MPRIP: variants seen among roughly 807,000 people sequenced by gnomAD.
The protein encoded by MPRIP is myosin phosphatase Rho interacting protein.
Under a neutral mutation model 234.9 loss-of-function variants are expected in MPRIP, and 59 were observed. That is an observed-to-expected ratio of 0.25 (90% CI 0.20 to 0.31). The LOEUF (loss-of-function observed/expected upper bound fraction) is 0.31. Among genes scored for constraint, MPRIP ranks in the 10% least tolerant of loss-of-function variants. The probability of loss-of-function intolerance (pLI) is 1.00; values close to 1 mark genes in which losing one functional copy is unlikely to be tolerated. For missense variants in MPRIP, 2,436 were observed against 3,071.0 expected, an observed-to-expected ratio of 0.79 and a Z score of 4.89; for synonymous variants, 1,144 against 1,263.9, an observed-to-expected ratio of 0.91 and a Z score of 2.01.
chr17:17,156,117 C>T (rs985146202), intron 13 of MPRIP, among the ~76,000 whole-genome samples: 1 of 152,208 alleles, frequency 6.6e-6, no homozygotes, highest in African/African-American at 2.4e-5. Context: ...GGCCTGGGCT[C>T]GGTGCTGTAG....
chr17:17,147,186 G>A lies in MPRIP; in HGVS notation c.1561-133G>A, dbSNP rs142847729. ...GAGTCCTCTGTATGCTGTCAAGGGA[G>A]GGGCCAGCCTGTCCCCTGCTTTCCC... is the stretch of plus-strand genomic sequence containing the variant. On this transcript the variant is annotated intron_variant, in intron 10 of 23. Transcript: ENST00000651222. 5.0e-4 allele frequency: 405 copies of A among 805,806 alleles called. No individual in the cohort carries two copies. In the African/African-American group the frequency reaches 5.9e-3, roughly 12 times the overall value. 49.9% of individuals were successfully genotyped at this position (805,806 alleles called of 1,614,324 possible).
intron 1 of MPRIP, among the ~76,000 whole-genome samples, chr17:17,057,317 A>G (rs1760720782): frequency 6.6e-6 from 1 of 152,252 alleles, no homozygotes; most frequent in Non-Finnish European, 1.5e-5. Flanking sequence ...GGGGCGGTGC[A>G]GGGGTGGCTC....
rs1424990643 is a variant in MPRIP at position 17,186,496 on chromosome 17, C to CT, written c.*1605dup. The CT allele has an allele frequency of 6.6e-6, 1 of 152,220 alleles. No homozygotes were observed. The highest frequency in any genetic ancestry group is 6.5e-5 in the Admixed American group (1 of 15,282). The allele number at this position is 152,220 out of a possible 1,614,324, so 9.4% of individuals were successfully genotyped here. ...AAGTTTTTAAGGCTCTTAACCCACACTTTCACTCCTCTGCTACTAGTCTTC... is the reference window on the plus strand; with the variant it reads ...AAGTTTTTAAGGCTCTTAACCCACACTTTTCACTCCTCTGCTACTAGTCTTC... On this transcript the variant is annotated 3_prime_UTR_variant, in exon 24 of 24. Transcript: ENST00000651222.
Position 17,164,769 on chromosome 17 carries a change from C to A in MPRIP, c.3178C>A (p.Gln1060Lys), listed in dbSNP as rs1455043247. The part of the protein sequence containing the change: ...YEDQLQGQAQ[Q>K]VETLQKEKLS... Reference sequence around the variant, plus strand: ...GGACCAGCTGCAGGGTCAGGCACAGCAGGTGGAGACCCTGCAGAAGGAGAA... The same window carrying A: ...GGACCAGCTGCAGGGTCAGGCACAGAAGGTGGAGACCCTGCAGAAGGAGAA... Residue 1060 changes from glutamine (Q) to lysine (K), a missense_variant, in exon 16 of 24, where the codon CAG (glutamine) becomes AAG (lysine). Around this residue, in one of 4 missense-constraint regions of MPRIP, gnomAD observed 1,998 missense variants for 2,520.3 expected, o/e 0.79. Coordinates refer to ENST00000651222, the MANE Select transcript of MPRIP (RefSeq NM_001364716.4). 1.5e-5 allele frequency: 19 copies of A among 1,304,076 alleles called. 1 individual carries two copies. 80.8% of individuals were successfully genotyped at this position (1,304,076 alleles called of 1,614,324 possible). A position where few individuals can be genotyped will look rare whatever the true frequency, so the allele number is the denominator to read the frequency against.
chr17:17,143,731 G>T (rs943861436), intron 9 of MPRIP, 62 bp downstream of exon 9: 35 of 1,169,820 alleles, frequency 3.0e-5, no homozygotes, highest in Non-Finnish European at 3.9e-5. Context: ...ACTCTGAGGC[G>T]CTGTCTGTTT....
chr17:17,067,233 A>G (rs2089059343), intron 1 of MPRIP, among the ~76,000 whole-genome samples: 1 of 151,978 alleles, frequency 6.6e-6, no homozygotes, highest in South Asian at 2.1e-4. Context: ...TTTTTTTCTT[A>G]AATTGAAAAC....
chr17:17,134,160 A>G (rs1360300811), intron 5 of MPRIP, among the ~76,000 whole-genome samples: 1 of 152,180 alleles, frequency 6.6e-6, no homozygotes, highest in African/African-American at 2.4e-5. Flanking sequence ...CCCCACTCCA[A>G]GTTAGAATTC....
chr17:17,053,298 C>T (rs567351003), intron 1 of MPRIP, among the ~76,000 whole-genome samples: 1 of 152,194 alleles, frequency 6.6e-6, no homozygotes, highest in South Asian at 2.1e-4. Flanking sequence ...AGAGCTGAAG[C>T]ATCTATGCCC....
At chr17:17,159,123 C>A in intron 14 of MPRIP, 121 bp downstream of exon 14, 1 of 1,030,240 alleles carries the variant, frequency 9.7e-7, no homozygotes, top group Non-Finnish European at 1.4e-6. Context: ...ACTTGCAGAC[C>A]CCTAGGGGAG....
At chr17:17,100,892 A>G (rs2089948235) in intron 3 of MPRIP, among the ~76,000 whole-genome samples, 2 of 152,196 alleles carry the variant, frequency 1.3e-5, no homozygotes. Flanking sequence ...GGTCCTTGGT[A>G]CCAAAAAGTT....
At chr17:17,103,574 T>C (rs1308210879) in intron 3 of MPRIP, among the ~76,000 whole-genome samples, 1 of 152,184 alleles carries the variant, frequency 6.6e-6, no homozygotes, top group East Asian at 1.9e-4. Context: ...AGGCTTTTGC[T>C]GTTAAAAAAA....
intron 11 of MPRIP, among the ~76,000 whole-genome samples, chr17:17,148,612 T>C (rs2045529890): frequency 6.6e-6 from 1 of 152,214 alleles, no homozygotes; most frequent in Non-Finnish European, 1.5e-5. Flanking sequence ...TTCTGTGATT[T>C]GAAATGGGAA....
intron 3 of MPRIP, among the ~76,000 whole-genome samples, chr17:17,119,845 A>G (rs2090354995): frequency 6.6e-6 from 1 of 152,198 alleles, no homozygotes; most frequent in Admixed American, 6.5e-5. Context: ...TGGTAGAAAT[A>G]CTGACTCACC....
At chr17:17,134,576 G>A (rs1780301127) in intron 5 of MPRIP, among the ~76,000 whole-genome samples, 1 of 152,208 alleles carries the variant, frequency 6.6e-6, no homozygotes. Context: ...GGTCAGGTGT[G>A]CGTCCTGGGT....
intron 4 of MPRIP, among the ~76,000 whole-genome samples, chr17:17,130,176 G>A (rs1219655569): frequency 6.6e-6 from 1 of 152,154 alleles, no homozygotes; most frequent in Non-Finnish European, 1.5e-5. Flanking sequence ...ACTGGCTGTG[G>A]GCTGAGCTGG....
At chr17:17,172,664 T>TC in intron 17 of MPRIP, 34 bp from the exon 18 acceptor site, 1 of 1,571,944 alleles carries the variant, frequency 6.4e-7, no homozygotes, top group Non-Finnish European at 8.7e-7. Context: ...AAGGGCGTGG[T>TC]CCCTCGGTGC....
chr17:17,049,095 T>C (rs2088450378), intron 1 of MPRIP, among the ~76,000 whole-genome samples: 1 of 152,242 alleles, frequency 6.6e-6, no homozygotes, highest in African/African-American at 2.4e-5. Context: ...ATGTGTCACA[T>C]ACTGTGTGAT....
At chr17:17,134,003 C>T (rs1033601588) in intron 5 of MPRIP, among the ~76,000 whole-genome samples, 9 of 152,172 alleles carry the variant, frequency 5.9e-5, no homozygotes, top group Admixed American at 2.0e-4. Flanking sequence ...GAAGGAGGCC[C>T]GCTCCTCCAT....
chr17:17,093,448 T>C lies in MPRIP; in HGVS notation c.267+15372T>C, dbSNP rs556650669. On this transcript the variant is annotated intron_variant, in intron 3 of 23. Coordinates refer to ENST00000651222, the MANE Select transcript of MPRIP (RefSeq NM_001364716.4). The stretch of plus-strand genomic sequence containing the variant: ...AAAACTTATTCTGTATTCTCATTGG[T>C]GTGATAGTGGGGCAGTAGTTTGTTG... Among the ~76,000 whole-genome samples the C allele has an allele frequency of 3.3e-5, 5 of 152,260 alleles. No individual in the cohort carries two copies. The South Asian group carries it at 1.0e-3, about 32-fold the overall frequency.
Sources: allele counts gnomAD v4.1 joint callset (sites outside exome capture counted in the v4.1 genomes callset), GRCh38; gene constraint gnomAD v4.1.1; regional missense constraint gnomAD v4.1.1; transcripts MANE v1.5; gene names NCBI Gene and HGNC (gene_info 2026-07-23, HGNC 2026-07-21).